PSMD1: variants seen among roughly 807,000 people sequenced by gnomAD.
PSMD1 encodes the protein proteasome 26S subunit, non-ATPase 1.
Under a neutral mutation model 119.0 loss-of-function variants are expected in PSMD1, and 18 were observed. The observed-to-expected ratio is 0.15, with a 90% confidence interval of 0.10 to 0.22. PSMD1 has a LOEUF of 0.22. Among genes scored for constraint, PSMD1 ranks in the 10% least tolerant of loss-of-function variants. PSMD1 has a pLI of 1.00. For synonymous variants in PSMD1, 374 were observed against 396.6 expected (o/e 0.94, Z 0.68); for missense variants, 702 against 1,158.5 (o/e 0.61, Z 5.72).
At chr2:231,093,656 G>A (rs1229836892) in intron 16 of PSMD1, among the ~76,000 whole-genome samples, 1 of 152,130 alleles carries the variant, frequency 6.6e-6, no homozygotes, top group South Asian at 2.1e-4. Flanking sequence ...GTCTTGAGAG[G>A]TTTTAGCAAA....
intron 23 of PSMD1, among the ~76,000 whole-genome samples, chr2:231,169,927 C>T (rs181997458): frequency 1.4e-3 from 207 of 152,286 alleles, no homozygotes; most frequent in Middle Eastern, 3.4e-3. Flanking sequence ...GCTTGCATCA[C>T]GTGGATTTAT....
chr2:231,087,164 T>A lies in PSMD1; in HGVS notation c.1866T>A (p.Leu622=). 1 of 1,613,596 alleles carries A rather than the reference T, an allele frequency of 6.2e-7. No individual in the cohort carries two copies. ...TCAGGAGGGCAGCAGTAGAATCACT[T>A]GGGTTCATTCTATTCAGGTAATAAC... ...DDVRRAAVES[L]GFILFRTPEQ... Residue 622 remains leucine (L), a synonymous_variant, in exon 16 of 25, where the codon CTT becomes CTA. Transcript: ENST00000308696.
intron 17 of PSMD1, among the ~76,000 whole-genome samples, chr2:231,139,558 T>TA (rs35924284): frequency 0.28 from 31,955 of 113,284 alleles, 5,224 homozygotes; most frequent in East Asian, 0.48. Flanking sequence ...ATTGATTTCT[T>TA]AAAAAAAAAA....
chr2:231,063,398 T>G (rs923935794), intron 4 of PSMD1, among the ~76,000 whole-genome samples: 6 of 152,348 alleles, frequency 3.9e-5, no homozygotes, highest in Non-Finnish European at 8.8e-5. Flanking sequence ...CAGACATGTG[T>G]TTATCAGACT....
chr2:231,062,743 CTT>C, intron 4 of PSMD1, 68 bp downstream of exon 4: 1 of 1,272,716 alleles, frequency 7.9e-7, no homozygotes, highest in Non-Finnish European at 1.0e-6. Flanking sequence ...CACATAGAAG[CTT>C]TTTTCCTGAA....
chr2:231,155,713 A>G (rs1286358208), intron 19 of PSMD1, among the ~76,000 whole-genome samples: 1 of 151,780 alleles, frequency 6.6e-6, no homozygotes, highest in East Asian at 1.9e-4. Context: ...TTATTTGTCT[A>G]ATGGAGTTTT....
intron 5 of PSMD1, among the ~76,000 whole-genome samples, chr2:231,069,182 A>G (rs959200503): frequency 1.3e-5 from 2 of 151,832 alleles, no homozygotes; most frequent in Admixed American, 6.6e-5. Flanking sequence ...AGAATGAAAA[A>G]TGTTTTAAAA....
At chr2:231,077,009 A>ATTT in intron 8 of PSMD1, 25 bp from the exon 9 acceptor site, 1 of 1,405,092 alleles carries the variant, frequency 7.1e-7, no homozygotes, top group Non-Finnish European at 9.7e-7. Context: ...ATGAGTTTTC[A>ATTT]TTTTTTTTTT....
At position 231,067,077 on chromosome 2, in the gene PSMD1, G is replaced by A. The variant is rs775496287; in HGVS notation, c.476G>A (p.Arg159Lys). ...ATTGGCATTGCTCTGGAGACACGAA[G>A]ACTGGACGTCTTTGAAAAGACCATA... ...QAIGIALETR[R>K]LDVFEKTILE... The change falls in exon 5 of 25, where the codon AGA (arginine) becomes AAA (lysine). Residue 159 changes from arginine (R) to lysine (K), a missense_variant. Around this residue, in one of 9 missense-constraint regions of PSMD1, gnomAD observed 58 missense variants for 54.0 expected, o/e 1.07. Transcript: ENST00000308696. 3.7e-6 allele frequency: 6 copies of A among 1,610,070 alleles called. No homozygotes were observed. In the South Asian group the frequency reaches 5.6e-5, roughly 15 times the overall value.
intron 23 of PSMD1, among the ~76,000 whole-genome samples, chr2:231,166,694 T>A (rs1696794334): frequency 6.6e-6 from 1 of 152,142 alleles, no homozygotes; most frequent in Non-Finnish European, 1.5e-5. Context: ...TAGAGCGCCA[T>A]CAGTAGACCC....
intron 24 of PSMD1, among the ~76,000 whole-genome samples, chr2:231,172,216 C>G (rs150245316): frequency 2.6e-5 from 4 of 152,194 alleles, no homozygotes; most frequent in Admixed American, 2.6e-4. Context: ...AGGTGACTCA[C>G]GTTAGCTCCC....
intron 16 of PSMD1, among the ~76,000 whole-genome samples, chr2:231,117,274 C>T (rs985722332): frequency 4.0e-5 from 6 of 151,884 alleles, no homozygotes; most frequent in Non-Finnish European, 8.8e-5. Flanking sequence ...GTATTCTGTC[C>T]AATATACTTC....
At chr2:231,166,510 T>G (rs576858450) in intron 23 of PSMD1, among the ~76,000 whole-genome samples, 4 of 144,190 alleles carry the variant, frequency 2.8e-5, no homozygotes, top group Non-Finnish European at 5.9e-5. Flanking sequence ...ACCGTTGTCT[T>G]TTTTTTTTTT....
At chr2:231,089,089 A>T (rs1335642930) in intron 16 of PSMD1, among the ~76,000 whole-genome samples, 2 of 152,342 alleles carry the variant, frequency 1.3e-5, no homozygotes, top group East Asian at 3.9e-4. Flanking sequence ...TTAACTCTTC[A>T]GTTCTGGAAA....
intron 9 of PSMD1, 55 bp downstream of exon 9, chr2:231,077,217 A>G: frequency 8.6e-7 from 1 of 1,166,146 alleles, no homozygotes; most frequent in Non-Finnish European, 1.2e-6. Context: ...TCTTTGTTGC[A>G]TATAAGTAAT....
chr2:231,105,894 C>T (rs186764142), intron 16 of PSMD1, among the ~76,000 whole-genome samples: 37 of 152,058 alleles, frequency 2.4e-4, no homozygotes, highest in Admixed American at 1.9e-3. Flanking sequence ...TCTGTTTTTG[C>T]CCCAGTATCT....
chr2:231,128,577 GTCTT>G (rs1254649698), intron 16 of PSMD1, among the ~76,000 whole-genome samples: 1 of 152,180 alleles, frequency 6.6e-6, no homozygotes, highest in African/African-American at 2.4e-5. Context: ...TTCTCAAAAT[GTCTT>G]TCTTTTCATC....
rs755090250 is a variant in PSMD1 at position 231,062,680 on chromosome 2, T to C, written c.304+5T>C. On this transcript the variant is annotated splice_donor_5th_base_variant and intron_variant, in intron 4 of 24. Coordinates refer to ENST00000308696, the MANE Select transcript of PSMD1 (RefSeq NM_002807.4). ...AATATGTGGAAACTATTATAGGTAA[T>C]TATCGTCTATCTGGTAAGGCTTTAT... 1.9e-6 allele frequency: 3 copies of C among 1,582,102 alleles called. No homozygotes were observed. In the South Asian group the frequency reaches 3.5e-5, roughly 19 times the overall value.
intron 17 of PSMD1, among the ~76,000 whole-genome samples, chr2:231,143,229 G>A (rs1696170448): frequency 1.4e-5 from 2 of 141,942 alleles, no homozygotes; most frequent in Admixed American, 6.9e-5. Flanking sequence ...GTTTGGTTTG[G>A]TTTGGTTTGG....
Sources: allele counts gnomAD v4.1 joint callset (sites outside exome capture counted in the v4.1 genomes callset), GRCh38; gene constraint gnomAD v4.1.1; regional missense constraint gnomAD v4.1.1; transcripts MANE v1.5; gene names NCBI Gene and HGNC (gene_info 2026-07-23, HGNC 2026-07-21).